ARHGAP24: variants seen among roughly 807,000 people sequenced by gnomAD.
ARHGAP24 encodes Rho GTPase activating protein 24.
Under a neutral mutation model 76.4 loss-of-function variants are expected in ARHGAP24, and 50 were observed. The observed-to-expected ratio is 0.65, with a 90% CI of 0.52 to 0.83. The LOEUF is 0.83. ARHGAP24 is among the 40% of genes least tolerant of loss of function. ARHGAP24 has a pLI of 0.00. For missense variants in ARHGAP24, 930 were observed against 914.2 expected (o/e 1.02, Z -0.22); for synonymous variants, 345 against 323.3 (o/e 1.07, Z -0.72).
At chr4:85,902,521 A>G (rs1376950618) in intron 3 of ARHGAP24, among the ~76,000 whole-genome samples, 1 of 152,218 alleles carries the variant, frequency 6.6e-6, no homozygotes, top group Admixed American at 6.5e-5. Context: ...TGGCTGAGAG[A>G]AGAAAGTAAA....
chr4:85,622,254 C>G (rs181604700), intron 2 of ARHGAP24, among the ~76,000 whole-genome samples: 4 of 90,260 alleles, frequency 4.4e-5, no homozygotes, highest in African/African-American at 1.6e-4. Context: ...CCCCTCCCCC[C>G]ACCCCAAACA....
chr4:85,868,066 A>G (rs1024604657), intron 3 of ARHGAP24, among the ~76,000 whole-genome samples: 1 of 151,836 alleles, frequency 6.6e-6, no homozygotes, highest in African/African-American at 2.4e-5. Context: ...GCTTGATTTT[A>G]TACACTTTAG....
chr4:85,819,374 T>C (rs1050730462), intron 3 of ARHGAP24, among the ~76,000 whole-genome samples: 1 of 152,100 alleles, frequency 6.6e-6, no homozygotes. Flanking sequence ...AATTGAAACA[T>C]AGAGAGGAAA....
At chr4:85,909,200 CAG>C (rs1489056697) in intron 3 of ARHGAP24, among the ~76,000 whole-genome samples, 1 of 152,116 alleles carries the variant, frequency 6.6e-6, no homozygotes, top group African/African-American at 2.4e-5. Flanking sequence ...GAGGTGTTTG[CAG>C]AGTCTACCAT....
chr4:85,861,388 A>G (rs1469685667), intron 3 of ARHGAP24, among the ~76,000 whole-genome samples: 7 of 152,120 alleles, frequency 4.6e-5, no homozygotes, highest in Non-Finnish European at 8.8e-5. Flanking sequence ...GTCAAAGCGT[A>G]CGTTTTGTAG....
chr4:85,617,395 T>A (rs1335845123), intron 2 of ARHGAP24, among the ~76,000 whole-genome samples: 1 of 151,882 alleles, frequency 6.6e-6, no homozygotes, highest in Non-Finnish European at 1.5e-5. Context: ...TACTACTTAC[T>A]TACGTATCCT....
chr4:85,485,738 GT>G (rs1297372157), intron 1 of ARHGAP24, among the ~76,000 whole-genome samples: 386 of 138,222 alleles, frequency 2.8e-3, no homozygotes, highest in African/African-American at 6.9e-3. Context: ...CTTTTGAACA[GT>G]TTTTTTTTTT....
intron 2 of ARHGAP24, among the ~76,000 whole-genome samples, chr4:85,676,426 A>G (rs1420609460): frequency 6.6e-6 from 1 of 152,096 alleles, no homozygotes; most frequent in African/African-American, 2.4e-5. Flanking sequence ...TAATTTAACA[A>G]CTGTTAAGCA....
chr4:85,756,952 C>T lies in ARHGAP24; in HGVS notation c.268+34980C>T, dbSNP rs148074088. On this transcript the variant is annotated intron_variant, in intron 3 of 9. Transcript: ENST00000395184. ...TATCTCTGGGTATTTATTGGAGCCCCGAGTAATCTTAACTGTGTTTCAAAA... is the reference window on the plus strand; with the variant it reads ...TATCTCTGGGTATTTATTGGAGCCCTGAGTAATCTTAACTGTGTTTCAAAA... Among the ~76,000 whole-genome samples, 1,117 of 152,190 alleles carry T rather than the reference C, an allele frequency of 7.3e-3. 12 individuals carry two copies. Among genetic ancestry groups the T allele is most frequent in the African/African-American group, 0.026 (1,070 of 41,520 alleles).
intron 2 of ARHGAP24, among the ~76,000 whole-genome samples, chr4:85,663,981 T>A (rs1722508500): frequency 6.6e-6 from 1 of 151,758 alleles, no homozygotes; most frequent in Non-Finnish European, 1.5e-5. Context: ...TAAAATTCTC[T>A]TTTTTGATTT....
At chr4:85,855,772 GAAAAAAA>G (rs11406317) in intron 3 of ARHGAP24, among the ~76,000 whole-genome samples, 1 of 140,816 alleles carries the variant, frequency 7.1e-6, no homozygotes, top group African/African-American at 2.6e-5. Context: ...AAGCAAAAAA[GAAAAAAA>G]AAAAAAAGAA....
intron 1 of ARHGAP24, among the ~76,000 whole-genome samples, chr4:85,498,361 A>G (rs1723660863): frequency 6.6e-6 from 1 of 152,212 alleles, no homozygotes; most frequent in South Asian, 2.1e-4. Flanking sequence ...CTTTAAGCCA[A>G]CACTAGAGAG....
intron 3 of ARHGAP24, among the ~76,000 whole-genome samples, chr4:85,746,483 T>C (rs1726042670): frequency 1.3e-5 from 2 of 152,216 alleles, no homozygotes; most frequent in African/African-American, 4.8e-5. Context: ...CTTGTGTTTG[T>C]TGTATTTCCT....
intron 1 of ARHGAP24, among the ~76,000 whole-genome samples, chr4:85,545,458 T>A (rs1725885758): frequency 6.6e-6 from 1 of 152,184 alleles, no homozygotes; most frequent in South Asian, 2.1e-4. Flanking sequence ...AATTTTCTCT[T>A]CATAAAGGAC....
chr4:85,821,188 C>A (rs1277838560), intron 3 of ARHGAP24, among the ~76,000 whole-genome samples: 1 of 152,102 alleles, frequency 6.6e-6, no homozygotes, highest in Non-Finnish European at 1.5e-5. Context: ...AATAGGCATA[C>A]TGTACAGGTG....
intron 1 of ARHGAP24, among the ~76,000 whole-genome samples, chr4:85,527,331 TGTCA>T (rs780298173): frequency 1.3e-5 from 2 of 152,152 alleles, no homozygotes; most frequent in Non-Finnish European, 2.9e-5. Flanking sequence ...CTGTTTTGGA[TGTCA>T]GTTATGTCAA....
intron 3 of ARHGAP24, among the ~76,000 whole-genome samples, chr4:85,788,440 C>G (rs1161395153): frequency 6.6e-6 from 1 of 152,024 alleles, no homozygotes; most frequent in Non-Finnish European, 1.5e-5. Flanking sequence ...ATAATCTTAT[C>G]GAAAGTGTAA....
intron 4 of ARHGAP24, 96 bp from the exon 5 acceptor site, chr4:85,941,970 A>G (rs1736973120): frequency 3.2e-6 from 4 of 1,260,522 alleles, no homozygotes; most frequent in South Asian, 1.3e-5. Context: ...TAGCATTCCA[A>G]TCTTTGTTTT....
chr4:85,499,387 T>C (rs896365849), intron 1 of ARHGAP24, among the ~76,000 whole-genome samples: 3 of 152,208 alleles, frequency 2.0e-5, no homozygotes, highest in African/African-American at 7.2e-5. Flanking sequence ...AGATAGCATA[T>C]ACTATCACTA....
Sources: allele counts gnomAD v4.1 joint callset (sites outside exome capture counted in the v4.1 genomes callset), GRCh38; gene constraint gnomAD v4.1.1; transcripts MANE v1.5; gene names NCBI Gene and HGNC (gene_info 2026-07-23, HGNC 2026-07-21).